ACBD6: variants seen among roughly 807,000 people sequenced by gnomAD.
ACBD6 encodes acyl-CoA binding domain containing 6.
Under a neutral mutation model 37.2 loss-of-function variants are expected in ACBD6, and 28 were observed. The observed-to-expected ratio is 0.75, with a 90% CI of 0.56 to 1.03. The LOEUF is 1.03. ACBD6 is among the 50% of genes least tolerant of loss of function. The probability of loss-of-function intolerance (pLI) is 0.00; values close to 1 mark genes in which losing one functional copy is unlikely to be tolerated. For missense variants in ACBD6, 340 were observed against 337.4 expected (o/e 1.01, Z -0.06); for synonymous variants, 113 against 126.8 (o/e 0.89, Z 0.73).
At chr1:180,354,581 T>C (rs1652549517) in intron 6 of ACBD6, among the ~76,000 whole-genome samples, 1 of 152,210 alleles carries the variant, frequency 6.6e-6, no homozygotes, top group Non-Finnish European at 1.5e-5. Context: ...AGCTGTTTTA[T>C]TTAGGGCCCC....
intron 7 of ACBD6, among the ~76,000 whole-genome samples, chr1:180,298,478 G>A (rs1650005551): frequency 6.6e-6 from 1 of 152,162 alleles, no homozygotes; most frequent in South Asian, 2.1e-4. Context: ...CTCAGACAAA[G>A]GGACATTAAT....
At chr1:180,411,798 G>T (rs1234490687) in intron 5 of ACBD6, among the ~76,000 whole-genome samples, 1 of 152,054 alleles carries the variant, frequency 6.6e-6, no homozygotes. Flanking sequence ...CCCCCGAGTA[G>T]CTGGGATTAC....
intron 5 of ACBD6, among the ~76,000 whole-genome samples, chr1:180,400,817 A>G (rs1647319338): frequency 6.6e-6 from 1 of 152,186 alleles, no homozygotes; most frequent in Non-Finnish European, 1.5e-5. Flanking sequence ...TTAACCACAA[A>G]CACACCTAGA....
intron 1 of ACBD6, among the ~76,000 whole-genome samples, chr1:180,497,449 T>A (rs994191943): frequency 2.0e-5 from 3 of 152,190 alleles, no homozygotes; most frequent in African/African-American, 7.2e-5. Context: ...AAAAAGGAAC[T>A]TAGGGCAGCA....
chr1:180,428,270 T>C (rs189692250), intron 4 of ACBD6, among the ~76,000 whole-genome samples: 1 of 152,326 alleles, frequency 6.6e-6, no homozygotes, highest in African/African-American at 2.4e-5. Context: ...TTAATATTTA[T>C]TAAACATACT....
intron 3 of ACBD6, among the ~76,000 whole-genome samples, chr1:180,491,786 ATTACTAT>A (rs1651511108): frequency 6.6e-6 from 1 of 152,152 alleles, no homozygotes; most frequent in African/African-American, 2.4e-5. Flanking sequence ...AGCTGGTTAT[ATTACTAT>A]TTAAGTAATT....
chr1:180,402,002 T>C (rs1647392956), intron 5 of ACBD6, among the ~76,000 whole-genome samples: 1 of 152,146 alleles, frequency 6.6e-6, no homozygotes, highest in Non-Finnish European at 1.5e-5. Flanking sequence ...TATGGTATGG[T>C]ACTGTCTAAT....
At chr1:180,436,283 C>A (rs1649032443) in intron 3 of ACBD6, among the ~76,000 whole-genome samples, 1 of 152,112 alleles carries the variant, frequency 6.6e-6, no homozygotes, top group South Asian at 2.1e-4. Flanking sequence ...ATTGTGATTT[C>A]CTGAGAATTG....
At position 180,472,167 on chromosome 1, in the gene ACBD6, T is replaced by C. The variant is rs142250979; in HGVS notation, c.384+20102A>G. Among the ~76,000 whole-genome samples, 560 of 152,336 alleles carry C rather than the reference T, an allele frequency of 3.7e-3. 1 individual carries two copies. The highest frequency in any genetic ancestry group is 0.013 in the African/African-American group (528 of 41,574). On this transcript the variant is annotated intron_variant, in intron 3 of 7. Coordinates refer to ENST00000367595, the MANE Select transcript of ACBD6 (RefSeq NM_032360.4). ...TCTATCTTGGTCAGTCCCACTATAG[T>C]GTCAAACCCCTCCTTTAAGTTAAGG...
intron 6 of ACBD6, among the ~76,000 whole-genome samples, chr1:180,329,430 T>C (rs1651391847): frequency 6.6e-6 from 1 of 152,168 alleles, no homozygotes; most frequent in Admixed American, 6.5e-5. Context: ...CTACCTCTCA[T>C]CTGCTAAGGA....
At chr1:180,490,455 C>G (rs1313534383) in intron 3 of ACBD6, among the ~76,000 whole-genome samples, 1 of 146,736 alleles carries the variant, frequency 6.8e-6, no homozygotes, top group Admixed American at 6.9e-5. Flanking sequence ...TCAGCCTGGC[C>G]AACATGGCAA....
chr1:180,496,275 T>G (rs959360114), intron 1 of ACBD6, among the ~76,000 whole-genome samples: 1 of 152,226 alleles, frequency 6.6e-6, no homozygotes, highest in African/African-American at 2.4e-5. Flanking sequence ...AGAAGTCATC[T>G]TCCTTCCTTA....
At chr1:180,290,398 A>G (rs1019897055) in intron 7 of ACBD6, among the ~76,000 whole-genome samples, 3 of 152,102 alleles carry the variant, frequency 2.0e-5, no homozygotes, top group African/African-American at 7.2e-5. Context: ...GCTGGTCTCA[A>G]ACTACTAGGC....
At chr1:180,275,089 G>A (rs1648948688) in exon 10 of ACBD6, 1 of 152,692 alleles carries the variant, frequency 6.5e-6, no homozygotes, top group African/African-American at 2.4e-5. Flanking sequence ...GAAAAGATCA[G>A]TTATTAAAGG....
At chr1:180,351,981 A>T (rs1342704539) in intron 6 of ACBD6, among the ~76,000 whole-genome samples, 2 of 152,236 alleles carry the variant, frequency 1.3e-5, no homozygotes, top group Non-Finnish European at 2.9e-5. Context: ...AAAGGAATGC[A>T]ATTCTGACAC....
At chr1:180,412,349 C>T (rs1343534719) in intron 5 of ACBD6, among the ~76,000 whole-genome samples, 1 of 152,124 alleles carries the variant, frequency 6.6e-6, no homozygotes, top group East Asian at 1.9e-4. Context: ...CTCTGAATTA[C>T]ATATAAGTTG....
At chr1:180,345,956 A>ACCTAGCCTGTAGCAGCTC (rs546865776) in intron 6 of ACBD6, among the ~76,000 whole-genome samples, 1 of 152,156 alleles carries the variant, frequency 6.6e-6, no homozygotes, top group Non-Finnish European at 1.5e-5. Flanking sequence ...ATGTAGCAAA[A>ACCTAGCCTGTAGCAGCTC]CCTAGCCTGT....
chr1:180,432,885 A>G (rs892513093), intron 3 of ACBD6, among the ~76,000 whole-genome samples: 7 of 152,014 alleles, frequency 4.6e-5, no homozygotes, highest in Admixed American at 3.3e-4. Context: ...CAGACCTATC[A>G]CCAAGAAAGA....
chr1:180,459,925 G>A (rs1339537490), intron 3 of ACBD6, among the ~76,000 whole-genome samples: 7 of 149,806 alleles, frequency 4.7e-5, no homozygotes, highest in Admixed American at 1.3e-4. Context: ...GCAGTATCCC[G>A]GCACAGCACA....
Sources: allele counts gnomAD v4.1 joint callset (sites outside exome capture counted in the v4.1 genomes callset), GRCh38; gene constraint gnomAD v4.1.1; transcripts MANE v1.5; gene names NCBI Gene and HGNC (gene_info 2026-07-23, HGNC 2026-07-21).